The following ARHGAP15 variants were observed in gnomAD, a reference collection of about 807,000 sequenced individuals.
ARHGAP15 encodes the protein Rho GTPase activating protein 15.
A neutral mutation model predicts 63.7 loss-of-function variants in ARHGAP15; 51 were observed. The observed-to-expected ratio is 0.80, with a 90% confidence interval of 0.64 to 1.01. The LOEUF (loss-of-function observed/expected upper bound fraction) is 1.01, where lower values mean the gene tolerates loss of function less well. Ranked by LOEUF, ARHGAP15 falls within the 50% of genes least tolerant of loss-of-function variation. ARHGAP15 has a pLI of 0.00. For missense variants in ARHGAP15, 560 were observed against 564.6 expected, an observed-to-expected ratio of 0.99 and a Z score of 0.08; for synonymous variants, 191 against 193.8, an observed-to-expected ratio of 0.99 and a Z score of 0.12.
At chr2:143,397,422 C>T (rs867971618) in intron 6 of ARHGAP15, among the ~76,000 whole-genome samples, 1 of 150,618 alleles carries the variant, frequency 6.6e-6, no homozygotes, top group Non-Finnish European at 1.5e-5. Flanking sequence ...ATTTGTTTTG[C>T]ATGAACAATT....
intron 13 of ARHGAP15, among the ~76,000 whole-genome samples, chr2:143,713,674 T>C (rs2105446359): frequency 6.7e-6 from 1 of 150,210 alleles, no homozygotes; most frequent in South Asian, 2.2e-4. Context: ...GGTACAGGTA[T>C]TGAGTAAATA....
At chr2:143,604,365 T>C (rs754036304) in intron 11 of ARHGAP15, among the ~76,000 whole-genome samples, 82 of 152,318 alleles carry the variant, frequency 5.4e-4, no homozygotes, top group Admixed American at 1.4e-3. Flanking sequence ...GTGTGTGCAC[T>C]GTTCTTCACG....
Position 143,223,039 on chromosome 2 carries a change from C to T in ARHGAP15, c.297-5542C>T, listed in dbSNP as rs530985831. On this transcript the variant is annotated intron_variant, in intron 4 of 13. Transcript: ENST00000295095. The stretch of plus-strand genomic sequence containing the variant: ...TCACCCAGGCTGGAGTGCAGTGGCG[C>T]GAACTTGGCTCACTGCAGCCTCTGC... Among the ~76,000 whole-genome samples, 13 of 152,178 alleles carry T rather than the reference C, an allele frequency of 8.5e-5. No individual in the cohort carries two copies. The South Asian group carries it at 2.1e-3, about 24-fold the overall frequency.
At chr2:143,338,423 A>G (rs1684904165) in intron 6 of ARHGAP15, among the ~76,000 whole-genome samples, 1 of 152,154 alleles carries the variant, frequency 6.6e-6, no homozygotes, top group Non-Finnish European at 1.5e-5. Context: ...GAGCAAAACT[A>G]TTTATCTCAG....
chr2:143,275,562 T>C (rs2105065023), intron 6 of ARHGAP15, among the ~76,000 whole-genome samples: 1 of 152,308 alleles, frequency 6.6e-6, no homozygotes, highest in South Asian at 2.1e-4. Flanking sequence ...ATATGTGAGA[T>C]TATTCTCATT....
intron 12 of ARHGAP15, among the ~76,000 whole-genome samples, chr2:143,688,496 A>C (rs1327106268): frequency 6.6e-6 from 1 of 152,188 alleles, no homozygotes; most frequent in African/African-American, 2.4e-5. Context: ...TGGAAGCCAG[A>C]GAGAAGTAAT....
chr2:143,314,741 T>C (rs1263729698), intron 6 of ARHGAP15: 1 of 152,178 alleles, frequency 6.6e-6, no homozygotes, highest in Non-Finnish European at 1.5e-5. Flanking sequence ...ATATTTAAGG[T>C]TTAATACTGA....
At chr2:143,264,389 G>A (rs1390812599) in intron 6 of ARHGAP15, among the ~76,000 whole-genome samples, 3 of 151,996 alleles carry the variant, frequency 2.0e-5, no homozygotes, top group African/African-American at 7.2e-5. Flanking sequence ...TCATTGTGAG[G>A]CTGTTAGTAT....
intron 1 of ARHGAP15, among the ~76,000 whole-genome samples, chr2:143,147,835 C>T (rs757703866): frequency 1.3e-5 from 2 of 151,972 alleles, no homozygotes; most frequent in Non-Finnish European, 2.9e-5. Context: ...TTAATGTTTA[C>T]AAATAGATAC....
At chr2:143,166,688 TCACCTC>T (rs1408957502) in intron 2 of ARHGAP15, among the ~76,000 whole-genome samples, 1 of 152,118 alleles carries the variant, frequency 6.6e-6, no homozygotes, top group African/African-American at 2.4e-5. Context: ...AAAGAGACGT[TCACCTC>T]CTGTAGGATG....
intron 13 of ARHGAP15, among the ~76,000 whole-genome samples, chr2:143,721,680 C>G (rs1051167923): frequency 6.6e-6 from 1 of 152,054 alleles, no homozygotes; most frequent in African/African-American, 2.4e-5. Context: ...AAAACGTGGA[C>G]CTTTTTAAAC....
chr2:143,276,148 C>A (rs757307803), intron 6 of ARHGAP15, among the ~76,000 whole-genome samples: 49 of 152,206 alleles, frequency 3.2e-4, no homozygotes, highest in Non-Finnish European at 6.6e-4. Flanking sequence ...GACAGAATGG[C>A]TCCCACATCA....
chr2:143,441,181 A>G (rs900846691), intron 8 of ARHGAP15, among the ~76,000 whole-genome samples: 1 of 152,182 alleles, frequency 6.6e-6, no homozygotes, highest in East Asian at 1.9e-4. Flanking sequence ...GAAAGACTGG[A>G]GCAGGGCATA....
At chr2:143,548,994 C>T (rs1695448401) in intron 10 of ARHGAP15, among the ~76,000 whole-genome samples, 1 of 152,024 alleles carries the variant, frequency 6.6e-6, no homozygotes, top group African/African-American at 2.4e-5. Flanking sequence ...CAGAAAAGGA[C>T]AAGAGTAAGA....
intron 9 of ARHGAP15, among the ~76,000 whole-genome samples, chr2:143,510,504 C>G (rs1693538286): frequency 6.6e-6 from 1 of 152,148 alleles, no homozygotes; most frequent in African/African-American, 2.4e-5. Flanking sequence ...CGCTTTTTCT[C>G]CTTCTTCCAA....
intron 12 of ARHGAP15, among the ~76,000 whole-genome samples, chr2:143,673,758 G>GTGTGTGTGTGTGTGTATATATATATA (rs1553520615): frequency 2.7e-4 from 6 of 22,124 alleles, no homozygotes; most frequent in Admixed American, 1.7e-3. Context: ...GTGTGTGTGT[G>GTGTGTGTGTGTGTGTATATATATATA]TATATATATA....
intron 6 of ARHGAP15, among the ~76,000 whole-genome samples, chr2:143,393,704 G>C (rs1486776472): frequency 2.1e-5 from 3 of 140,952 alleles, no homozygotes; most frequent in Non-Finnish European, 3.0e-5. Flanking sequence ...CTCCAACCTG[G>C]GTGACAGAGC....
intron 6 of ARHGAP15, among the ~76,000 whole-genome samples, chr2:143,312,841 A>T (rs1374536731): frequency 6.6e-6 from 1 of 152,202 alleles, no homozygotes; most frequent in African/African-American, 2.4e-5. Flanking sequence ...TTAACAAATT[A>T]ATATCAACTA....
At chr2:143,652,776 T>C (rs986897327) in intron 12 of ARHGAP15, among the ~76,000 whole-genome samples, 7 of 152,200 alleles carry the variant, frequency 4.6e-5, no homozygotes, top group South Asian at 4.1e-4. Flanking sequence ...CTCTGCAACA[T>C]TGCAATACTC....
Sources: allele counts gnomAD v4.1 joint callset (sites outside exome capture counted in the v4.1 genomes callset), GRCh38; gene constraint gnomAD v4.1.1; transcripts MANE v1.5; gene names NCBI Gene and HGNC (gene_info 2026-07-23, HGNC 2026-07-21).